The following LATS1 variants were observed in gnomAD, a reference collection of about 807,000 sequenced individuals.
LATS1 encodes serine/threonine-protein kinase LATS1.
In LATS1, 25 loss-of-function variants were observed where a neutral mutation model predicts 106.6. The ratio of observed to expected loss-of-function variants is 0.23; its 90% CI spans 0.17 to 0.33. The LOEUF (loss-of-function observed/expected upper bound fraction) is 0.33, where lower values mean the gene tolerates loss of function less well. LATS1 is among the 10% of genes least tolerant of loss of function. The pLI is 1.00. For missense variants in LATS1, 1,040 were observed against 1,382.6 expected (o/e 0.75, Z 3.93); for synonymous variants, 465 against 455.6 (o/e 1.02, Z -0.26).
intron 7 of LATS1, among the ~76,000 whole-genome samples, chr6:149,671,252 G>T (rs1353746632): frequency 6.6e-6 from 1 of 151,764 alleles, no homozygotes; most frequent in Non-Finnish European, 1.5e-5. Flanking sequence ...TCCTGCCTCA[G>T]GCTCCCAAGT....
chr6:149,686,832 C>T (rs1782400528), intron 3 of LATS1, among the ~76,000 whole-genome samples: 1 of 152,180 alleles, frequency 6.6e-6, no homozygotes, highest in Non-Finnish European at 1.5e-5. Flanking sequence ...CATCCTGTAA[C>T]CTCAATAACC....
chr6:149,683,162 T>C lies in LATS1; in HGVS notation c.1927A>G (p.Met643Val). The C allele has an allele frequency of 6.2e-7, 1 of 1,613,680 alleles. No individual in the cohort carries two copies. Residue 643 changes from methionine (M) to valine (V), a missense_variant, in exon 4 of 8, where the codon ATG becomes GTG. Around this residue, in one of 7 missense-constraint regions of LATS1, gnomAD observed 167 missense variants for 332.1 expected, o/e 0.50. Coordinates refer to ENST00000543571, the MANE Select transcript of LATS1 (RefSeq NM_004690.4). ...SYSPQAFKFF[M>V]EQHVENVLKS... ...AGTACATTTTCTACATGTTGCTCCA[T>C]AAAGAATTTAAATGCTTGAGGAGAA...
At chr6:149,707,519 T>G (rs1783855976) in intron 1 of LATS1, among the ~76,000 whole-genome samples, 1 of 152,150 alleles carries the variant, frequency 6.6e-6, no homozygotes, top group South Asian at 2.1e-4. Flanking sequence ...AGATTTACAT[T>G]CCATGTAGTA....
At chr6:149,692,417 G>A (rs532198808) in intron 3 of LATS1, among the ~76,000 whole-genome samples, 14 of 151,420 alleles carry the variant, frequency 9.2e-5, no homozygotes, top group African/African-American at 2.9e-4. Flanking sequence ...TTCTTGATGC[G>A]GTTAAAAAAA....
rs1780876986 is a variant in LATS1, at chr6:149,661,382, A to C, written c.*347T>G. ...AACTGTCTTTCAAAAAAATTTCAAA[A>C]ACTCTTGTATTTTAAAATTATTTAG... On this transcript the variant is annotated 3_prime_UTR_variant, in exon 8 of 8. Transcript: ENST00000543571. 1 of 245,728 alleles carries C rather than the reference A, an allele frequency of 4.1e-6. No homozygotes were observed. Among genetic ancestry groups the C allele is most frequent in the Non-Finnish European group, 7.8e-6 (1 of 127,522 alleles). The allele number at this position is 245,728 out of a possible 1,614,324, so 15.2% of individuals were successfully genotyped here. A position where few individuals can be genotyped will look rare whatever the true frequency, so the allele number is the denominator to read the frequency against.
At chr6:149,694,749 A>G (rs1024069472) in intron 3 of LATS1, among the ~76,000 whole-genome samples, 1 of 152,186 alleles carries the variant, frequency 6.6e-6, no homozygotes, top group Admixed American at 6.5e-5. Flanking sequence ...TACTCCCATA[A>G]TATGAAAAAA....
At chr6:149,690,438 C>T (rs1158743179) in intron 3 of LATS1, among the ~76,000 whole-genome samples, 2 of 151,914 alleles carry the variant, frequency 1.3e-5, no homozygotes. Context: ...GTCTCGAACT[C>T]CCAACCTCAG....
At chr6:149,668,398 C>T (rs182149384) in intron 7 of LATS1, among the ~76,000 whole-genome samples, 6 of 151,268 alleles carry the variant, frequency 4.0e-5, no homozygotes, top group Admixed American at 2.6e-4. Flanking sequence ...GCAAGGAAAA[C>T]GCTAAATATC....
At chr6:149,713,312 T>G (rs79401391) in intron 1 of LATS1, among the ~76,000 whole-genome samples, 10 of 152,084 alleles carry the variant, frequency 6.6e-5, no homozygotes, top group African/African-American at 2.2e-4. Context: ...TTTTTTTTTT[T>G]GAGACAGAGT....
At position 149,674,223 on chromosome 6, in the gene LATS1, C is replaced by T. The variant is rs143572319; in HGVS notation, c.2883+2037G>A. Among the ~76,000 whole-genome samples the T allele has an allele frequency of 9.3e-4, 140 of 149,978 alleles. 1 individual carries two copies. Among genetic ancestry groups the T allele is most frequent in the Admixed American group, 2.8e-3 (42 of 15,052 alleles). On this transcript the variant is annotated intron_variant, in intron 7 of 7. Transcript: ENST00000543571. ...CCAAGTAGCTGGGATTACAGGGGCG[C>T]GCCACCACACCCAGCTAATATTTGT...
intron 1 of LATS1, among the ~76,000 whole-genome samples, chr6:149,711,540 T>C (rs1259140693): frequency 4.6e-5 from 7 of 152,220 alleles, no homozygotes; most frequent in South Asian, 2.1e-4. Context: ...TGAGACTCCA[T>C]CTCAAAAAAC....
At chr6:149,717,826 C>T (rs1376408147) in intron 1 of LATS1, 23 bp downstream of exon 1, 1 of 294,326 alleles carries the variant, frequency 3.4e-6, no homozygotes, top group Non-Finnish European at 6.6e-6. Context: ...GGAGCGCACC[C>T]GCTACGCCAG....
intron 1 of LATS1, among the ~76,000 whole-genome samples, chr6:149,714,733 T>C (rs1191468795): frequency 6.6e-6 from 1 of 152,168 alleles, no homozygotes; most frequent in African/African-American, 2.4e-5. Context: ...TTAACTAGCA[T>C]TATGAAAAGC....
intron 7 of LATS1, among the ~76,000 whole-genome samples, chr6:149,674,427 G>A (rs1410388021): frequency 1.3e-5 from 2 of 152,108 alleles, no homozygotes; most frequent in Admixed American, 6.5e-5. Context: ...CTAGGCTGGA[G>A]TGCAGTGGCA....
intron 1 of LATS1, among the ~76,000 whole-genome samples, chr6:149,709,876 A>G (rs1439298541): frequency 6.6e-6 from 1 of 151,562 alleles, no homozygotes; most frequent in Middle Eastern, 3.2e-3. Flanking sequence ...GGGTTTCACT[A>G]TGTTGGCCAA....
intron 1 of LATS1, among the ~76,000 whole-genome samples, chr6:149,703,576 G>A (rs1035372897): frequency 2.0e-5 from 3 of 152,102 alleles, no homozygotes; most frequent in African/African-American, 7.2e-5. Context: ...TCAAGTACTT[G>A]TTCAGGGGCC....
chr6:149,711,662 T>C (rs1403816820), intron 1 of LATS1, among the ~76,000 whole-genome samples: 1 of 152,180 alleles, frequency 6.6e-6, no homozygotes, highest in Non-Finnish European at 1.5e-5. Flanking sequence ...AAGAAGCTAG[T>C]TGAAAAAGAT....
At chr6:149,666,516 G>A (rs1428653202) in intron 7 of LATS1, among the ~76,000 whole-genome samples, 1 of 152,026 alleles carries the variant, frequency 6.6e-6, no homozygotes, top group East Asian at 1.9e-4. Flanking sequence ...TACCTGGGAG[G>A]CTGAGGCGGA....
intron 7 of LATS1, among the ~76,000 whole-genome samples, chr6:149,666,758 C>G (rs1056731374): frequency 6.6e-5 from 10 of 151,604 alleles, no homozygotes; most frequent in African/African-American, 2.4e-4. Context: ...CTGGCTAACA[C>G]GGTGAAACCC....
Sources: gnomAD v4.1 joint callset for allele counts (sites outside exome capture counted in the v4.1 genomes callset) on GRCh38, gnomAD v4.1.1 for gene constraint, gnomAD v4.1.1 regional missense constraint, MANE v1.5 for transcripts, NCBI Gene and HGNC (gene_info 2026-07-23, HGNC 2026-07-21) for gene names.